FCHO2: variants seen among roughly 807,000 people sequenced by gnomAD.
FCHO2 encodes the protein FCH and mu domain containing endocytic adaptor 2, also known as F-BAR domain only protein 2.
In FCHO2, 43 loss-of-function variants were observed where a neutral mutation model predicts 114.1. The observed-to-expected ratio is 0.38, with a 90% confidence interval of 0.30 to 0.49. The LOEUF is 0.49. Among genes scored for constraint, FCHO2 ranks in the 20% least tolerant of loss-of-function variants. FCHO2 has a pLI of 0.97. For synonymous variants in FCHO2, 293 were observed against 315.2 expected (o/e 0.93, Z 0.75); for missense variants, 807 against 950.4 (o/e 0.85, Z 1.98).
intron 9 of FCHO2, among the ~76,000 whole-genome samples, chr5:73,036,145 C>T (rs1756492791): frequency 6.6e-6 from 1 of 152,038 alleles, no homozygotes. Context: ...CACACCAGGC[C>T]TTAAGTGCTG....
At chr5:72,986,847 A>G (rs1342127738) in intron 2 of FCHO2, among the ~76,000 whole-genome samples, 1 of 151,356 alleles carries the variant, frequency 6.6e-6, no homozygotes, top group Non-Finnish European at 1.5e-5. Flanking sequence ...ATTTTATACA[A>G]TATTTTAACT....
chr5:73,083,695 C>G (rs1416269258), intron 24 of FCHO2, among the ~76,000 whole-genome samples: 1 of 152,078 alleles, frequency 6.6e-6, no homozygotes, highest in Non-Finnish European at 1.5e-5. Context: ...AGTTCAAGAC[C>G]AGCCTGGCCA....
At chr5:73,059,732 A>G (rs1465030781) in intron 17 of FCHO2, among the ~76,000 whole-genome samples, 1 of 152,098 alleles carries the variant, frequency 6.6e-6, no homozygotes, top group Non-Finnish European at 1.5e-5. Context: ...CAGTCAATAG[A>G]TAGTTGAACA....
intron 8 of FCHO2, among the ~76,000 whole-genome samples, chr5:73,032,111 A>G (rs1327421350): frequency 6.6e-6 from 1 of 152,212 alleles, no homozygotes; most frequent in Non-Finnish European, 1.5e-5. Context: ...CAGAATGTGC[A>G]TTGATATCCA....
intron 5 of FCHO2, 89 bp downstream of exon 5, chr5:72,990,953 T>C (rs1197372937): frequency 7.2e-7 from 1 of 1,398,576 alleles, no homozygotes; most frequent in Non-Finnish European, 9.5e-7. Flanking sequence ...CTGAAAATTA[T>C]CTCATTTTAA....
chr5:73,080,550 A>G (rs575909063), intron 22 of FCHO2, among the ~76,000 whole-genome samples: 3 of 152,316 alleles, frequency 2.0e-5, no homozygotes, highest in South Asian at 4.1e-4. Context: ...ACATGGATCT[A>G]TGTTTGCATA....
chr5:73,002,939 T>C (rs1328528535), intron 5 of FCHO2, among the ~76,000 whole-genome samples: 5 of 152,212 alleles, frequency 3.3e-5, no homozygotes, highest in African/African-American at 1.2e-4. Context: ...CAAAAGAAAT[T>C]GCTATTAAAA....
At chr5:72,999,539 C>T (rs758682034) in intron 5 of FCHO2, among the ~76,000 whole-genome samples, 25 of 151,958 alleles carry the variant, frequency 1.6e-4, no homozygotes, top group Non-Finnish European at 3.1e-4. Flanking sequence ...TGCGTCACCA[C>T]GCCCAGCTAA....
Position 73,050,294 on chromosome 5 carries a change from C to CTATCTATTTATT in FCHO2, c.940-1052_940-1051insCTATTTATTTAT, listed in dbSNP as rs550283829. On this transcript the variant is annotated intron_variant, in intron 11 of 25. Coordinates refer to ENST00000430046, the MANE Select transcript of FCHO2 (RefSeq NM_138782.3). ...CCCTCCCTCTCTGTTTAGCTTTCTG[C>CTATCTATTTATT]TATTTATTTATTTATTTATTTATTT... Among the ~76,000 whole-genome samples the CTATCTATTTATT allele has an allele frequency of 5.2e-3, 643 of 123,580 alleles. 2 individuals carry two copies. The highest frequency in any genetic ancestry group is 0.016 in the African/African-American group (558 of 35,750). The allele number at this position is 123,580 out of a possible 152,430, so 81.1% of individuals were successfully genotyped here. A position where few individuals can be genotyped will look rare whatever the true frequency, so the allele number is the denominator to read the frequency against.
chr5:73,041,311 C>T lies in FCHO2; in HGVS notation c.935C>T (p.Ser312Leu). Residue 312 changes from serine to leucine, a missense_variant, in exon 11 of 26, where the codon TCA becomes TTA. Ser to Leu is a moderately radical substitution (Grantham distance 145). Transcript: ENST00000430046. ...AESVECPDAD[S>L]LNIPDVDEEG... ...AATAGGGAATGTCCTGATGCAGATT[C>T]ATTGGTAAGTAGATTTAACTTTGAT... The T allele has an allele frequency of 1.4e-6, 2 of 1,477,564 alleles. No homozygotes were observed. Among genetic ancestry groups the T allele is most frequent in the South Asian group, 2.3e-5 (2 of 86,524 alleles). 91.5% of individuals were successfully genotyped at this position (1,477,564 alleles called of 1,614,324 possible). A position where few individuals can be genotyped will look rare whatever the true frequency, so the allele number is the denominator to read the frequency against.
At position 72,974,302 on chromosome 5, in the gene FCHO2, G is replaced by A. The variant is rs1752738821; in HGVS notation, c.125+5713G>A. On this transcript the variant is annotated intron_variant, in intron 2 of 25. Transcript: ENST00000430046. ...TGATCTTTCTAATGTTGACAGTGGG[G>A]TGTTAAAGTCTCCCATTATTAATGT... Among the ~76,000 whole-genome samples the A allele has an allele frequency of 3.7e-5, 5 of 136,390 alleles. No individual in the cohort carries two copies. The South Asian group carries it at 1.1e-3, about 31-fold the overall frequency. 89.5% of individuals were successfully genotyped at this position (136,390 alleles called of 152,430 possible). A position where few individuals can be genotyped will look rare whatever the true frequency, so the allele number is the denominator to read the frequency against.
At chr5:72,958,783 G>T (rs555105945) in intron 1 of FCHO2, among the ~76,000 whole-genome samples, 5 of 152,278 alleles carry the variant, frequency 3.3e-5, no homozygotes, top group Admixed American at 2.0e-4. Flanking sequence ...AAAAATTGAT[G>T]CTCTTGTAAA....
chr5:73,070,942 C>T (rs1411323271), intron 19 of FCHO2, among the ~76,000 whole-genome samples: 3 of 152,108 alleles, frequency 2.0e-5, no homozygotes, highest in African/African-American at 4.8e-5. Context: ...CACTGTGAGA[C>T]GTCACCAGGT....
At position 72,985,966 on chromosome 5, in the gene FCHO2, T is replaced by A. The variant is rs535564145; in HGVS notation, c.126-3461T>A. 9.9e-5 allele frequency among the ~76,000 whole-genome samples: 15 copies of A among 152,270 alleles called. No individual in the cohort carries two copies. The East Asian group carries it at 2.1e-3, about 22-fold the overall frequency. ...TCAAATATTTTCTCTAACTCATTCTTTCTCTTTACTCATTTATCTGACTTT... is the reference window on the plus strand; with the variant it reads ...TCAAATATTTTCTCTAACTCATTCTATCTCTTTACTCATTTATCTGACTTT... On this transcript the variant is annotated intron_variant, in intron 2 of 25. Transcript: ENST00000430046.
chr5:73,049,970 C>T (rs1471621163), intron 11 of FCHO2, among the ~76,000 whole-genome samples: 1 of 152,072 alleles, frequency 6.6e-6, no homozygotes, highest in Non-Finnish European at 1.5e-5. Context: ...AGCAGCTTGC[C>T]CCAGCCAATC....
At chr5:73,009,870 T>C (rs766039806) in intron 6 of FCHO2, among the ~76,000 whole-genome samples, 4 of 152,182 alleles carry the variant, frequency 2.6e-5, no homozygotes, top group Non-Finnish European at 4.4e-5. Context: ...TTAATTTATT[T>C]GAGCAAATGT....
intron 8 of FCHO2, among the ~76,000 whole-genome samples, chr5:73,027,190 C>T (rs1389418012): frequency 6.6e-6 from 1 of 151,738 alleles, no homozygotes; most frequent in Non-Finnish European, 1.5e-5. Flanking sequence ...CCCTTGTAAC[C>T]CTAACCACTC....
rs1339160242 is a variant in FCHO2, at chr5:73,078,310, C to G, written c.1978C>G (p.Gln660Glu). 5 of 1,594,870 alleles carry G rather than the reference C, an allele frequency of 3.1e-6. No individual in the cohort carries two copies. Among genetic ancestry groups the G allele is most frequent in the Non-Finnish European group, 8.5e-7 (1 of 1,173,018 alleles). Reference sequence around the variant, plus strand: ...TTATAATGTAGATGTATTAAAGTATCAGGTGAGTGTCACGACATTGCAAAA... The same window carrying G: ...TTATAATGTAGATGTATTAAAGTATGAGGTGAGTGTCACGACATTGCAAAA... ...SYYNVDVLKY[Q>E]VSSNGIQSTP... is the part of the protein sequence containing the mutation. Residue 660 changes from glutamine (Q) to glutamate (E), a missense_variant and splice_region_variant, in exon 22 of 26, where the codon CAG becomes GAG. Transcript: ENST00000430046.
intron 8 of FCHO2, chr5:73,034,390 G>T: frequency 3.4e-6 from 1 of 297,824 alleles, no homozygotes; most frequent in South Asian, 5.1e-5. Context: ...CTCTAGTTTT[G>T]TGGCATCATA....
Sources: allele counts gnomAD v4.1 joint callset (sites outside exome capture counted in the v4.1 genomes callset), GRCh38; gene constraint gnomAD v4.1.1; transcripts MANE v1.5; gene names NCBI Gene and HGNC (gene_info 2026-07-23, HGNC 2026-07-21).